ARB2A: variants seen among roughly 807,000 people sequenced by gnomAD.
ARB2A encodes the protein ARB2 cotranscriptional regulator A.
chr5:93,819,051 T>G, the ARB2A span, among the ~76,000 whole-genome samples: 2 of 151,444 alleles, frequency 1.3e-5, no homozygotes, highest in Middle Eastern at 3.4e-3. Flanking sequence ...CCGGGCATGG[T>G]GGCGCGTGCC....
At chr5:93,979,979 CCTT>C in the ARB2A span, among the ~76,000 whole-genome samples, 42 of 152,130 alleles carry the variant, frequency 2.8e-4, no homozygotes, top group African/African-American at 1.0e-3. Context: ...CATCTTACCT[CCTT>C]CATGTTATTT....
the ARB2A span, chr5:93,862,505 G>C: frequency 1.3e-5 from 2 of 152,120 alleles, no homozygotes; most frequent in African/African-American, 4.8e-5. Flanking sequence ...TAAATAATTA[G>C]ATATCTACTT....
the ARB2A span, among the ~76,000 whole-genome samples, chr5:93,682,503 G>A: frequency 7.5e-6 from 1 of 133,146 alleles, no homozygotes; most frequent in Admixed American, 7.5e-5. Flanking sequence ...TAGGCAAAAA[G>A]TTTTTTTTTT....
the ARB2A span, among the ~76,000 whole-genome samples, chr5:93,689,774 C>T: frequency 6.6e-6 from 1 of 151,870 alleles, no homozygotes; most frequent in African/African-American, 2.4e-5. Flanking sequence ...CTCACCACAA[C>T]TTCTGCCTCC....
chr5:93,660,587 C>A, the ARB2A span, among the ~76,000 whole-genome samples: 3 of 152,012 alleles, frequency 2.0e-5, no homozygotes, highest in Non-Finnish European at 4.4e-5. Flanking sequence ...TAGTAGAAAA[C>A]CTAATTAGAG....
the ARB2A span, among the ~76,000 whole-genome samples, chr5:94,046,211 AT>A: frequency 0.94 from 142,201 of 152,060 alleles, 66,597 homozygotes; most frequent in East Asian, 1. Flanking sequence ...AGAGAGTTTA[AT>A]TTTTTTTTAT....
chr5:93,872,023 A>T, the ARB2A span, among the ~76,000 whole-genome samples: 2 of 147,014 alleles, frequency 1.4e-5, no homozygotes, highest in Non-Finnish European at 3.0e-5. Flanking sequence ...ACCTCGGCTC[A>T]CTGCAACCTC....
the ARB2A span, among the ~76,000 whole-genome samples, chr5:93,884,687 T>C: frequency 6.6e-6 from 1 of 151,648 alleles, no homozygotes; most frequent in African/African-American, 2.4e-5. Flanking sequence ...CTCAGGAACA[T>C]TCTCTGTAGA....
the ARB2A span, among the ~76,000 whole-genome samples, chr5:93,639,929 CAGCT>C: frequency 6.6e-6 from 1 of 151,518 alleles, no homozygotes; most frequent in Non-Finnish European, 1.5e-5. Flanking sequence ...CCTGTAATCC[CAGCT>C]ACTAGGGAGG....
At chr5:93,955,289 G>T in the ARB2A span, among the ~76,000 whole-genome samples, 3 of 152,186 alleles carry the variant, frequency 2.0e-5, no homozygotes, top group East Asian at 1.9e-4. Flanking sequence ...TATACAACTA[G>T]GTATTTAGTA....
the ARB2A span, among the ~76,000 whole-genome samples, chr5:93,701,387 T>G: frequency 2.0e-5 from 3 of 152,170 alleles, no homozygotes; most frequent in Non-Finnish European, 4.4e-5. Flanking sequence ...GTATGTTATT[T>G]CACCACAATT....
chr5:93,996,930 A>G, the ARB2A span, among the ~76,000 whole-genome samples: 1 of 152,068 alleles, frequency 6.6e-6, no homozygotes, highest in African/African-American at 2.4e-5. Flanking sequence ...AGTTGGCTCA[A>G]TCAACAAATA....
chr5:93,926,751 A>G, the ARB2A span, among the ~76,000 whole-genome samples: 844 of 152,062 alleles, frequency 5.6e-3, 7 homozygotes, highest in Non-Finnish European at 6.8e-3. Flanking sequence ...ATGTGATTTG[A>G]AAGAAGATTT....
At chr5:93,718,237 C>T in the ARB2A span, among the ~76,000 whole-genome samples, 1 of 151,926 alleles carries the variant, frequency 6.6e-6, no homozygotes, top group Non-Finnish European at 1.5e-5. Flanking sequence ...GTCAAGAGAT[C>T]GAGACCATCC....
At chr5:93,726,911 A>T in the ARB2A span, among the ~76,000 whole-genome samples, 336 of 152,156 alleles carry the variant, frequency 2.2e-3, no homozygotes, top group African/African-American at 7.7e-3. Context: ...TAAGGGCAAG[A>T]AGTTTCTAGA....
At chr5:93,776,408 AATTAAC>A in the ARB2A span, among the ~76,000 whole-genome samples, 13 of 152,296 alleles carry the variant, frequency 8.5e-5, no homozygotes, top group South Asian at 2.7e-3. Flanking sequence ...AATTATTCAT[AATTAAC>A]ATGACTCTGA....
the ARB2A span, among the ~76,000 whole-genome samples, chr5:93,662,410 T>C: frequency 1.3e-5 from 2 of 152,212 alleles, no homozygotes; most frequent in Non-Finnish European, 2.9e-5. Context: ...ATCTGCTTGC[T>C]ACTTTTAAGT....
the ARB2A span, among the ~76,000 whole-genome samples, chr5:93,769,940 G>C: frequency 6.6e-6 from 1 of 152,196 alleles, no homozygotes; most frequent in Non-Finnish European, 1.5e-5. Flanking sequence ...GAAATGGTCA[G>C]AGGAGAGCTG....
At chr5:94,029,332 AAC>A in the ARB2A span, among the ~76,000 whole-genome samples, 54 of 152,266 alleles carry the variant, frequency 3.5e-4, no homozygotes, top group Non-Finnish European at 6.6e-4. Flanking sequence ...TTTCATGTGT[AAC>A]AGTCTCCCTG....
Sources: allele counts gnomAD v4.1 joint callset (sites outside exome capture counted in the v4.1 genomes callset), GRCh38; gene constraint gnomAD v4.1.1; transcripts MANE v1.5; gene names NCBI Gene and HGNC (gene_info 2026-07-23, HGNC 2026-07-21).